Variants in PARP4 observed in about 807,000 individuals in gnomAD.
PARP4 encodes the protein protein mono-ADP-ribosyltransferase PARP4.
A neutral mutation model predicts 187.7 loss-of-function variants in PARP4; 120 were observed. The observed-to-expected ratio is 0.64, with a 90% confidence interval of 0.55 to 0.74. The LOEUF (loss-of-function observed/expected upper bound fraction) is 0.74, where lower values mean the gene tolerates loss of function less well. Ranked by LOEUF, PARP4 falls within the 30% of genes least tolerant of loss-of-function variation. PARP4 has a pLI of 0.00. For synonymous variants in PARP4, 654 were observed against 740.9 expected (o/e 0.88, Z 1.90); for missense variants, 1,836 against 2,070.5 (o/e 0.89, Z 2.20).
Position 24,469,899 on chromosome 13 carries a change from C to T in PARP4, c.2041G>A (p.Gly681Arg). The T allele has an allele frequency of 5.0e-6, 8 of 1,613,028 alleles. No individual in the cohort carries two copies. Among genetic ancestry groups the T allele is most frequent in the Non-Finnish European group, 6.8e-6 (8 of 1,179,434 alleles). The stretch of plus-strand genomic sequence containing the variant: ...GATGCATCTTCTTGCCTTACCTCTC[C>T]AACTATGTGCTTCCCATTGATGAAG... ...EAFINGKHIV[G>R]EIKEKEEAQQ... is the part of the protein sequence containing the mutation. Residue 681 changes from glycine to arginine, a missense_variant, in exon 16 of 34, where the codon GGA becomes AGA. Transcript: ENST00000381989.
Position 24,431,543 on chromosome 13 carries a change from T to TG in PARP4, c.4747-68dup. 4.9e-6 allele frequency: 5 copies of TG among 1,013,664 alleles called. No individual in the cohort carries two copies. In the South Asian group the frequency reaches 5.6e-5, roughly 11 times the overall value. The allele number at this position is 1,013,664 out of a possible 1,614,324, so 62.8% of individuals were successfully genotyped here. On this transcript the variant is annotated intron_variant, in intron 31 of 33. Coordinates refer to ENST00000381989, the MANE Select transcript of PARP4 (RefSeq NM_006437.4). ...TTTTATCACATAAGAAGTTACGTAG[T>TG]GGGGGAAGGAGTGGGGCAAGGGTTG...
At position 24,478,901 on chromosome 13, in the gene PARP4, G is replaced by A. The variant is rs1808347720; in HGVS notation, c.1449-625C>T. ...ATCATAAATACCAGGGTGGTAAAGA[G>A]AAGGAAAAATCACCACCTTATTAAT... On this transcript the variant is annotated intron_variant, in intron 12 of 33. Coordinates refer to ENST00000381989, the MANE Select transcript of PARP4 (RefSeq NM_006437.4). Among the ~76,000 whole-genome samples the A allele has an allele frequency of 2.0e-5, 3 of 152,144 alleles. No individual in the cohort carries two copies. In the South Asian group the frequency reaches 6.2e-4, roughly 32 times the overall value.
chr13:24,436,938 C>T (rs1174160969), intron 30 of PARP4, among the ~76,000 whole-genome samples: 1 of 151,872 alleles, frequency 6.6e-6, no homozygotes, highest in Admixed American at 6.6e-5. Flanking sequence ...ATAATGCTAA[C>T]CAGAGGTTAA....
chr13:24,425,039 T>C (rs1305577943), intron 33 of PARP4, among the ~76,000 whole-genome samples: 1 of 152,032 alleles, frequency 6.6e-6, no homozygotes. Context: ...CAGTGGTTCA[T>C]GTCTGTAATC....
In PARP4 at chr13:24,459,066, T is replaced by C. The variant is rs1261065144; in HGVS notation, c.2402A>G (p.Asp801Gly). The C allele has an allele frequency of 1.2e-6, 2 of 1,606,936 alleles. No individual in the cohort carries two copies. Among genetic ancestry groups the C allele is most frequent in the Non-Finnish European group, 1.7e-6 (2 of 1,174,226 alleles). ...MPYVIEFIFS[D>G]THELKQKRTD... ...AACCTTTTGTTTCAGTTCATGTGTA[T>C]CACTGAAAATGAATTCAATCACATA... The change falls in exon 20 of 34, where the codon GAT (aspartate) becomes GGT (glycine). Residue 801 changes from aspartate to glycine, a missense_variant. This residue lies in a region of PARP4 where 1,147 missense variants were observed against 1,214.2 expected (regional missense o/e 0.94). Coordinates refer to ENST00000381989, the MANE Select transcript of PARP4 (RefSeq NM_006437.4).
chr13:24,485,466 T>G (rs1217589431), intron 11 of PARP4, among the ~76,000 whole-genome samples: 1 of 152,236 alleles, frequency 6.6e-6, no homozygotes, highest in African/African-American at 2.4e-5. Flanking sequence ...AGTTGTCTTT[T>G]GGGTCCCTCA....
chr13:24,456,521 A>C, intron 20 of PARP4, 43 bp from the exon 21 acceptor site: 1 of 1,567,526 alleles, frequency 6.4e-7, no homozygotes, highest in East Asian at 2.3e-5. Flanking sequence ...TAATGGAGTA[A>C]CACCATATTA....
chr13:24,428,643 G>A (rs1870178316), intron 32 of PARP4, among the ~76,000 whole-genome samples: 2 of 152,054 alleles, frequency 1.3e-5, no homozygotes, highest in South Asian at 4.2e-4. Context: ...CACCATGCCT[G>A]GCTAATTTTT....
intron 14 of PARP4, among the ~76,000 whole-genome samples, chr13:24,476,922 G>A (rs1375593561): frequency 6.6e-6 from 1 of 152,124 alleles, no homozygotes. Flanking sequence ...CATTCCCATC[G>A]GAGAGAAGGT....
At chr13:24,475,391 A>G (rs1042118743) in intron 15 of PARP4, 81 bp downstream of exon 15, 2 of 1,278,444 alleles carry the variant, frequency 1.6e-6, no homozygotes, top group Non-Finnish European at 2.2e-6. Flanking sequence ...TATTCCCTTC[A>G]GTTCATGCAA....
chr13:24,444,380 A>C (rs1362001418), intron 27 of PARP4, among the ~76,000 whole-genome samples: 1 of 152,302 alleles, frequency 6.6e-6, no homozygotes. Context: ...CAGTACCCAC[A>C]AAGATCTAAT....
chr13:24,490,769 G>C lies in PARP4; in HGVS notation c.1113C>G (p.Ser371=). 6.2e-7 allele frequency: 1 copy of C among 1,613,942 alleles called. No individual in the cohort carries two copies. Among genetic ancestry groups the C allele is most frequent in the Non-Finnish European group, 8.5e-7 (1 of 1,179,866 alleles). Residue 371 remains serine, a synonymous_variant, in exon 10 of 34, where the codon TCC becomes TCG. Transcript: ENST00000381989. ...ACCTCAAAGCTCGGTATTTGGCCAG[G>C]GATGGTGGGTTGGGTTTGGACAAAT... ...ETNLSKPNPP[S]LAKYRALRCK... is the part of the protein sequence containing the mutation.
At chr13:24,492,388 T>A in intron 9 of PARP4, 33 bp downstream of exon 9, 2 of 1,511,048 alleles carry the variant, frequency 1.3e-6, no homozygotes, top group Non-Finnish European at 1.8e-6. Context: ...ACATATTTTA[T>A]AATAAATAGA....
Position 24,500,353 on chromosome 13 carries a change from T to C in PARP4, c.364A>G (p.Ser122Gly), listed in dbSNP as rs1566020901. Residue 122 changes from serine (S) to glycine (G), a missense_variant, in exon 4 of 34, where the codon AGT (serine) becomes GGT (glycine). By Grantham distance (56) the Ser-to-Gly change is moderately conservative. This residue lies in a region of PARP4 where 1,147 missense variants were observed against 1,214.2 expected (regional missense o/e 0.94). Transcript: ENST00000381989. ...EVKTEGLCPD[S>G]ATEEEDTVEL... ...ACAGTGTCTTCCTCCTCTGTGGCAC[T>C]GTCCGGGCATAGACCTTCTGTTTTC... is the stretch of plus-strand genomic sequence containing the variant. 1.2e-6 allele frequency: 2 copies of C among 1,605,000 alleles called. No homozygotes were observed. Among genetic ancestry groups the C allele is most frequent in the Admixed American group, 1.7e-5 (1 of 58,760 alleles).
intron 1 of PARP4, among the ~76,000 whole-genome samples, chr13:24,504,938 G>C (rs980822045): frequency 1.8e-4 from 27 of 150,112 alleles, no homozygotes; most frequent in African/African-American, 6.6e-4. Flanking sequence ...CAAGTGATCT[G>C]CCCACCTTGG....
intron 30 of PARP4, among the ~76,000 whole-genome samples, chr13:24,440,264 G>T (rs1870851747): frequency 6.6e-6 from 1 of 151,852 alleles, no homozygotes; most frequent in Non-Finnish European, 1.5e-5. Flanking sequence ...TGAGTGTGGT[G>T]GCGCGTACCT....
At chr13:24,455,242 A>G in intron 21 of PARP4, 30 bp from the exon 22 acceptor site, 3 of 1,512,288 alleles carry the variant, frequency 2.0e-6, no homozygotes, top group Non-Finnish European at 2.7e-6. Context: ...GCTGGACTGG[A>G]GCTTCTTGTC....
At chr13:24,499,777 G>T (rs1869171604) in intron 4 of PARP4, among the ~76,000 whole-genome samples, 3 of 152,214 alleles carry the variant, frequency 2.0e-5, no homozygotes, top group Admixed American at 6.5e-5. Context: ...AAATAAAGGA[G>T]TCAGACTTCT....
At chr13:24,511,043 C>T (rs1453470221) in intron 1 of PARP4, among the ~76,000 whole-genome samples, 4 of 152,342 alleles carry the variant, frequency 2.6e-5, no homozygotes, top group Middle Eastern at 3.4e-3. Context: ...CTGCCTCAGC[C>T]TCCCAGAGTG....
Sources: gnomAD v4.1 joint callset for allele counts (sites outside exome capture counted in the v4.1 genomes callset) on GRCh38, gnomAD v4.1.1 for gene constraint, gnomAD v4.1.1 regional missense constraint, MANE v1.5 for transcripts, NCBI Gene and HGNC (gene_info 2026-07-23, HGNC 2026-07-21) for gene names.